Variants in IL1RAPL1 observed in about 807,000 individuals in gnomAD.
IL1RAPL1 encodes interleukin 1 receptor accessory protein like 1, also known as interleukin-1 receptor accessory protein-like 1.
A neutral mutation model predicts 48.4 loss-of-function variants in IL1RAPL1; 3 were observed. That is an observed-to-expected ratio of 0.06 (90% CI 0.03 to 0.16). The LOEUF is 0.16. Ranked by LOEUF, IL1RAPL1 falls within the 10% of genes least tolerant of loss-of-function variation. The probability of loss-of-function intolerance (pLI) is 1.00; values close to 1 mark genes in which losing one functional copy is unlikely to be tolerated. For missense variants in IL1RAPL1, 349 were observed against 530.6 expected (o/e 0.66, Z 3.36); for synonymous variants, 185 against 187.7 (o/e 0.99, Z 0.12).
At chrX:28,752,243 A>G (rs1269092797) in intron 1 of IL1RAPL1, among the ~76,000 whole-genome samples, 2 of 111,400 alleles carry the variant, frequency 1.8e-5, no homozygotes, top group African/African-American at 6.5e-5. Context: ...TGCGCAACTT[A>G]TGTCTGAAGC....
At chrX:29,678,216 G>A (rs1359809427) in intron 6 of IL1RAPL1, among the ~76,000 whole-genome samples, 1 of 109,648 alleles carries the variant, frequency 9.1e-6, no homozygotes, top group Non-Finnish European at 1.9e-5. Flanking sequence ...CATGTGCTCC[G>A]AAACATGCCA....
At chrX:29,571,400 C>T (rs1175491817) in intron 5 of IL1RAPL1, among the ~76,000 whole-genome samples, 1 of 111,003 alleles carries the variant, frequency 9.0e-6, no homozygotes, top group Non-Finnish European at 1.9e-5. Context: ...TTAGCAAAGT[C>T]TAGGAGGCAT....
chrX:29,824,377 T>C (rs766981511), intron 6 of IL1RAPL1, among the ~76,000 whole-genome samples: 5 of 111,867 alleles, frequency 4.5e-5, no homozygotes, highest in Non-Finnish European at 9.4e-5. Context: ...GTCTGATCGG[T>C]AGTAGCGTCA....
intron 6 of IL1RAPL1, among the ~76,000 whole-genome samples, chrX:29,690,799 A>G (rs1926750862): frequency 8.9e-6 from 1 of 111,983 alleles, no homozygotes; most frequent in Non-Finnish European, 1.9e-5. Flanking sequence ...CATGTCCATT[A>G]AAAGTCACTC....
chrX:29,687,107 T>A (rs373376510), intron 6 of IL1RAPL1, among the ~76,000 whole-genome samples: 1 of 110,753 alleles, frequency 9.0e-6, no homozygotes, highest in East Asian at 2.8e-4. Flanking sequence ...CCTCCAAAAA[T>A]AAAAAATAGA....
chrX:28,783,590 G>A (rs1165242369), intron 1 of IL1RAPL1, among the ~76,000 whole-genome samples: 3 of 111,445 alleles, frequency 2.7e-5, no homozygotes, highest in South Asian at 3.8e-4. Context: ...ACTTGTTTTC[G>A]ATGATCTAAA....
chrX:29,181,266 A>G (rs1454267497), intron 2 of IL1RAPL1, among the ~76,000 whole-genome samples: 1 of 111,519 alleles, frequency 9.0e-6, no homozygotes, highest in Non-Finnish European at 1.9e-5. Flanking sequence ...CCATGTGTTC[A>G]TTAATAATTA....
chrX:29,007,118 A>T (rs1407726136), intron 2 of IL1RAPL1, among the ~76,000 whole-genome samples: 2 of 112,038 alleles, frequency 1.8e-5, no homozygotes, highest in African/African-American at 6.5e-5. Flanking sequence ...TCTTTAATGC[A>T]GTCAGGATTA....
chrX:29,533,555 G>A (rs189352671), intron 5 of IL1RAPL1, among the ~76,000 whole-genome samples: 4 of 111,998 alleles, frequency 3.6e-5, no homozygotes, highest in Non-Finnish European at 7.5e-5. Flanking sequence ...ATGCTGCTAT[G>A]AATGTTTTTG....
intron 2 of IL1RAPL1, among the ~76,000 whole-genome samples, chrX:29,094,702 C>T (rs1401197887): frequency 4.8e-5 from 4 of 83,383 alleles, no homozygotes; most frequent in Non-Finnish European, 8.7e-5. Flanking sequence ...ACCCAGGAGG[C>T]GGAGGTTGCA....
At chrX:29,823,548 T>G (rs1489758395) in intron 6 of IL1RAPL1, among the ~76,000 whole-genome samples, 1 of 112,174 alleles carries the variant, frequency 8.9e-6, no homozygotes, top group Non-Finnish European at 1.9e-5. Flanking sequence ...TATCTTGTTT[T>G]TGTTTCATTG....
At chrX:28,611,470 A>G (rs1220463498) in intron 1 of IL1RAPL1, among the ~76,000 whole-genome samples, 2 of 112,319 alleles carry the variant, frequency 1.8e-5, no homozygotes, top group African/African-American at 6.5e-5. Context: ...ATTTGACTTT[A>G]TATTTCCCAA....
At chrX:29,112,800 T>TG (rs1253166082) in intron 2 of IL1RAPL1, among the ~76,000 whole-genome samples, 1 of 101,624 alleles carries the variant, frequency 9.8e-6, no homozygotes, top group Non-Finnish European at 2.0e-5. Flanking sequence ...TTGGTTTTTT[T>TG]TTTTTTTTTT....
chrX:28,834,875 A>T (rs1921165593), intron 2 of IL1RAPL1, among the ~76,000 whole-genome samples: 1 of 111,530 alleles, frequency 9.0e-6, no homozygotes. Flanking sequence ...CCTAATAGTT[A>T]ACATTATTTG....
chrX:29,766,327 C>CAAAAAAA (rs1220003136), intron 6 of IL1RAPL1, among the ~76,000 whole-genome samples: 8 of 25,613 alleles, frequency 3.1e-4, no homozygotes, highest in African/African-American at 1.7e-3. Context: ...GACTCCGTCT[C>CAAAAAAA]AAAAAAAAAA....
chrX:29,533,597 C>T (rs1921117546), intron 5 of IL1RAPL1, among the ~76,000 whole-genome samples: 1 of 111,278 alleles, frequency 9.0e-6, no homozygotes, highest in South Asian at 3.7e-4. Context: ...TGTTATTTCT[C>T]TTGGGTATTT....
intron 2 of IL1RAPL1, among the ~76,000 whole-genome samples, chrX:29,089,124 A>G (rs1321818289): frequency 9.0e-6 from 1 of 111,455 alleles, no homozygotes; most frequent in African/African-American, 3.3e-5. Context: ...GTAATTCTGC[A>G]TGAGGGAGAC....
intron 2 of IL1RAPL1, among the ~76,000 whole-genome samples, chrX:28,927,941 G>A (rs1360795348): frequency 9.0e-6 from 1 of 110,644 alleles, no homozygotes; most frequent in Non-Finnish European, 1.9e-5. Flanking sequence ...CCCTTAATAT[G>A]TTTTTATATT....
At chrX:28,827,395 T>G (rs1601920421) in intron 2 of IL1RAPL1, among the ~76,000 whole-genome samples, 1 of 111,421 alleles carries the variant, frequency 9.0e-6, no homozygotes, top group South Asian at 3.7e-4. Flanking sequence ...TTACTCATAT[T>G]ACAGATGGGA....
Sources: allele counts gnomAD v4.1 joint callset (sites outside exome capture counted in the v4.1 genomes callset), GRCh38; gene constraint gnomAD v4.1.1; transcripts MANE v1.5; gene names NCBI Gene and HGNC (gene_info 2026-07-23, HGNC 2026-07-21).